Variants in TKT observed in about 807,000 individuals in gnomAD.
TKT encodes transketolase, also known as epididymis luminal protein 107.
TKT carries 47 observed loss-of-function variants against 63.9 expected under a neutral mutation model. The observed-to-expected ratio is 0.74, with a 90% confidence interval of 0.58 to 0.94. The LOEUF (loss-of-function observed/expected upper bound fraction) is 0.94, where lower values mean the gene tolerates loss of function less well. Among genes scored for constraint, TKT ranks in the 40% least tolerant of loss-of-function variants. The pLI, the probability that TKT is intolerant of heterozygous loss-of-function variation, is 0.00. For missense variants in TKT, 721 were observed against 846.2 expected (o/e 0.85, Z 1.84); for synonymous variants, 338 against 334.1 (o/e 1.01, Z -0.13).
In TKT at chr3:53,235,269, A is replaced by G. The variant is rs575522233; in HGVS notation, c.438-95T>C. 6 of 1,194,514 alleles carry G rather than the reference A, an allele frequency of 5.0e-6. No homozygotes were observed. The South Asian group carries it at 8.4e-5, about 17-fold the overall frequency. The allele number at this position is 1,194,514 out of a possible 1,614,324, so 74.0% of individuals were successfully genotyped here. The stretch of plus-strand genomic sequence containing the variant: ...TCCAAGGAGCCTGCATTCTGGGTAA[A>G]GGAGCAGCCACGCATGGATATGCAG... On this transcript the variant is annotated intron_variant, in intron 4 of 13. Coordinates refer to ENST00000462138, the MANE Select transcript of TKT (RefSeq NM_001064.4).
chr3:53,236,167 G>C (rs1705022231), intron 4 of TKT, among the ~76,000 whole-genome samples: 2 of 152,248 alleles, frequency 1.3e-5, no homozygotes, highest in Non-Finnish European at 2.9e-5. Context: ...TGTAGCCCTA[G>C]GAAATGAGGC....
rs1553675361 is a variant in TKT at position 53,225,867 on chromosome 3, C to G, written c.1761G>C (p.Leu587=). Residue 587 remains leucine (L), a synonymous_variant, in exon 14 of 14, where the codon CTG becomes CTC. Transcript: ENST00000462138. ...CACTTCTTGGTACCCGGTTAACTGC[C>G]AGGTGGGTGACAGTGATGCCAGGCT... ...VGEPGITVTH[L]AVNRVPRSGK... The G allele has an allele frequency of 6.2e-7, 1 of 1,614,116 alleles. No homozygotes were observed. The highest frequency in any genetic ancestry group is 1.1e-5 in the South Asian group (1 of 91,076).
At chr3:53,238,928 C>T (rs7628245) in intron 4 of TKT, among the ~76,000 whole-genome samples, 26,618 of 152,256 alleles carry the variant, frequency 0.17, 3,148 homozygotes, top group East Asian at 0.52. Flanking sequence ...TGATGAGTGA[C>T]TGACATGGTT....
chr3:53,250,079 C>A (rs924918234), intron 1 of TKT, among the ~76,000 whole-genome samples: 3 of 152,210 alleles, frequency 2.0e-5, no homozygotes, highest in Non-Finnish European at 4.4e-5. Flanking sequence ...CACCGACCAC[C>A]AGCCCTGCAG....
rs1553675660 is a variant in TKT, at chr3:53,226,863, C to T, written c.1589G>A (p.Arg530His). Reference protein sequence around the residue: ...ELLKKEKINIRVLDPFTIKPL... With the variant: ...ELLKKEKINIHVLDPFTIKPL... The stretch of plus-strand genomic sequence containing the variant: ...CTTGATGGTGAAGGGGTCCAGCACG[C>T]GGATGTTGATCTTTTCTGTGAGGGA... Residue 530 changes from arginine (R) to histidine (H), a missense_variant, in exon 13 of 14, where the codon CGC becomes CAC. Physicochemically the swap from Arg to His is conservative, Grantham distance 29 (BLOSUM62 0). Transcript: ENST00000462138. The T allele has an allele frequency of 4.3e-6, 7 of 1,610,192 alleles. No homozygotes were observed. The highest frequency in any genetic ancestry group is 2.7e-5 in the African/African-American group (2 of 74,934).
rs1406351387 is a variant in TKT, at chr3:53,228,110, C to T, written c.1519G>A (p.Gly507Arg). 5 of 1,613,938 alleles carry T rather than the reference C, an allele frequency of 3.1e-6. No individual in the cohort carries two copies. The highest frequency in any genetic ancestry group is 4.2e-6 in the Non-Finnish European group (5 of 1,179,998). ...GCCTCGTGCAGGGTCACCCCAGCCCCGATAACGGTCACCTGGTCATCCTTG... is the reference window on the plus strand; with the variant it reads ...GCCTCGTGCAGGGTCACCCCAGCCCTGATAACGGTCACCTGGTCATCCTTG... ...KSKDDQVTVIGAGVTLHEALA... is the reference protein window; with the variant it reads ...KSKDDQVTVIRAGVTLHEALA... The change falls in exon 12 of 14, where the codon GGG becomes AGG. Residue 507 changes from glycine to arginine, a missense_variant. Transcript: ENST00000462138.
At chr3:53,233,440 T>C in intron 5 of TKT, 166 bp from the exon 6 acceptor site, 1 of 509,444 alleles carries the variant, frequency 2.0e-6, no homozygotes, top group South Asian at 3.0e-5. Context: ...TGTTTCCAGT[T>C]TGGGTTTTTT....
At position 53,225,674 on chromosome 3, in the gene TKT, C is replaced by A; in HGVS notation, c.*82G>T. 1 of 1,399,630 alleles carries A rather than the reference C, an allele frequency of 7.1e-7. No homozygotes were observed. Among genetic ancestry groups the A allele is most frequent in the Non-Finnish European group, 9.6e-7 (1 of 1,038,264 alleles). The allele number at this position is 1,399,630 out of a possible 1,614,324, so 86.7% of individuals were successfully genotyped here. On this transcript the variant is annotated 3_prime_UTR_variant, in exon 14 of 14. Coordinates refer to ENST00000462138, the MANE Select transcript of TKT (RefSeq NM_001064.4). ...TCATTTTTCTCAAAACATATATTTA[C>A]CCCTCCTCTCAGTACATCTTTGAGC...
chr3:53,252,326 C>A (rs1397086851), intron 1 of TKT, among the ~76,000 whole-genome samples: 1 of 152,228 alleles, frequency 6.6e-6, no homozygotes, highest in Non-Finnish European at 1.5e-5. Context: ...GGACAAGAAA[C>A]AGAAGACTAC....
At chr3:53,237,493 T>TACACAC (rs1491469313) in intron 4 of TKT, among the ~76,000 whole-genome samples, 8 of 93,796 alleles carry the variant, frequency 8.5e-5, no homozygotes, top group Admixed American at 2.7e-4. Flanking sequence ...GATTTTATAT[T>TACACAC]ATACACACAC....
chr3:53,247,465 C>T (rs557627732), intron 1 of TKT, among the ~76,000 whole-genome samples: 71 of 150,826 alleles, frequency 4.7e-4, no homozygotes, highest in Middle Eastern at 3.5e-3. Flanking sequence ...CAAAACCCCG[C>T]CTCTACTAAA....
intron 1 of TKT, among the ~76,000 whole-genome samples, chr3:53,251,866 G>A (rs1705760976): frequency 6.6e-6 from 1 of 152,218 alleles, no homozygotes; most frequent in African/African-American, 2.4e-5. Flanking sequence ...GGGGCCAGGA[G>A]CGGTGGCTCA....
intron 1 of TKT, among the ~76,000 whole-genome samples, chr3:53,252,387 C>G (rs189856242): frequency 6.6e-6 from 1 of 152,360 alleles, no homozygotes; most frequent in East Asian, 1.9e-4. Context: ...CACACACATA[C>G]TCTTGGCTCA....
intron 1 of TKT, among the ~76,000 whole-genome samples, chr3:53,250,964 T>A (rs1249829571): frequency 6.6e-6 from 1 of 151,906 alleles, no homozygotes; most frequent in Non-Finnish European, 1.5e-5. Flanking sequence ...AGAGATGAGG[T>A]CTCACTATGT....
Position 53,251,676 on chromosome 3 carries a change from A to T in TKT, c.107+4160T>A, listed in dbSNP as rs977623223. 2.6e-5 allele frequency among the ~76,000 whole-genome samples: 4 copies of T among 152,050 alleles called. No homozygotes were observed. In the East Asian group the frequency reaches 5.9e-4, roughly 22 times the overall value. ...TGTCTCAGTAAGTGGCCAGCAAAAG[A>T]TTGGACCAAAGCTAGACATGGTAGC... On this transcript the variant is annotated intron_variant, in intron 1 of 13. Coordinates refer to ENST00000462138, the MANE Select transcript of TKT (RefSeq NM_001064.4).
chr3:53,231,450 C>T lies in TKT; in HGVS notation c.849G>A (p.Lys283=). The T allele has an allele frequency of 6.2e-7, 1 of 1,614,162 alleles. No homozygotes were observed. Among genetic ancestry groups the T allele is most frequent in the Non-Finnish European group, 8.5e-7 (1 of 1,180,010 alleles). Residue 283 remains lysine (K), a synonymous_variant, in exon 7 of 14, where the codon AAG becomes AAA. Coordinates refer to ENST00000462138, the MANE Select transcript of TKT (RefSeq NM_001064.4). ...EIYSQIQSKK[K]ILATPPQEDA... is the part of the protein sequence containing the mutation. The stretch of plus-strand genomic sequence containing the variant: ...CCTCCTGTGGAGGGGTTGCCAGGAT[C>T]TTCTTTTTGCTCTGGATCTGGCTGT...
Position 53,242,255 on chromosome 3 carries a change from A to T in TKT, c.108-13T>A, listed in dbSNP as rs200695547. On this transcript the variant is annotated splice_polypyrimidine_tract_variant and intron_variant, in intron 1 of 13. Coordinates refer to ENST00000462138, the MANE Select transcript of TKT (RefSeq NM_001064.4). ...TGACGTGGGGTGGCTGTGGCCCAGG[A>T]GAGAAGACAGACACAGGCATCATGG... is the stretch of plus-strand genomic sequence containing the variant. 80 of 1,612,234 alleles carry T rather than the reference A, an allele frequency of 5.0e-5. No homozygotes were observed. In the East Asian group the frequency reaches 1.7e-3, roughly 35 times the overall value.
chr3:53,227,003 C>G (rs41275535), intron 12 of TKT, 125 bp from the exon 13 acceptor site: 219,563 of 1,259,806 alleles, frequency 0.17, 20,398 homozygotes, highest in South Asian at 0.19. Flanking sequence ...GGGCCTGTCC[C>G]TGTCCCAGGG....
chr3:53,230,322 G>T, intron 8 of TKT, 135 bp downstream of exon 8: 1 of 1,169,684 alleles, frequency 8.5e-7, no homozygotes, highest in Non-Finnish European at 1.2e-6. Flanking sequence ...TTAACGCTGG[G>T]TCCTGGCTTT....
Sources: allele counts gnomAD v4.1 joint callset (sites outside exome capture counted in the v4.1 genomes callset), GRCh38; gene constraint gnomAD v4.1.1; transcripts MANE v1.5; gene names NCBI Gene and HGNC (gene_info 2026-07-23, HGNC 2026-07-21).